Variants in AGA observed in about 807,000 individuals in gnomAD.
AGA encodes N(4)-(beta-N-acetylglucosaminyl)-L-asparaginase.
In AGA, 31 loss-of-function variants were observed where a neutral mutation model predicts 40.1. The ratio of observed to expected loss-of-function variants is 0.77; its 90% CI spans 0.58 to 1.04. The LOEUF (loss-of-function observed/expected upper bound fraction) is 1.04, where lower values mean the gene tolerates loss of function less well. Among genes scored for constraint, AGA ranks in the 50% least tolerant of loss-of-function variants. The probability of loss-of-function intolerance (pLI) is 0.00; values close to 1 mark genes in which losing one functional copy is unlikely to be tolerated. For synonymous variants in AGA, 148 were observed against 144.0 expected (o/e 1.03, Z -0.20); for missense variants, 445 against 435.4 (o/e 1.02, Z -0.20).
At chr4:177,431,882 T>A in intron 8 of AGA, 74 bp from the exon 9 acceptor site, 1 of 1,231,796 alleles carries the variant, frequency 8.1e-7, no homozygotes, top group South Asian at 1.2e-5. Context: ...AGATACTGCT[T>A]ATTTGACTAG....
At chr4:177,436,226 C>T in intron 6 of AGA, 50 bp downstream of exon 6, 1 of 1,463,558 alleles carries the variant, frequency 6.8e-7, no homozygotes, top group Non-Finnish European at 9.6e-7. Context: ...GCATATATTG[C>T]TCTGCATTCA....
At chr4:177,441,173 G>A (rs921865607) in intron 1 of AGA, among the ~76,000 whole-genome samples, 1 of 116,428 alleles carries the variant, frequency 8.6e-6, no homozygotes, top group African/African-American at 3.2e-5. Context: ...AGCACCTACA[G>A]GCTTGAAAGT....
In AGA at chr4:177,430,857, C is replaced by G. The variant is rs186184411; in HGVS notation, c.*851G>C. The G allele has an allele frequency of 1.3e-4, 60 of 454,008 alleles. No homozygotes were observed. The highest frequency in any genetic ancestry group is 1.1e-3 in the African/African-American group (53 of 50,106). The allele number at this position is 454,008 out of a possible 1,614,324, so 28.1% of individuals were successfully genotyped here. On this transcript the variant is annotated 3_prime_UTR_variant, in exon 9 of 9. Transcript: ENST00000264595. Reference sequence around the variant, plus strand: ...GGAAAAATGCTGCTGAGAAAGCACGCGCACAACTTCTGTAGAGTTGTCATA... The same window carrying G: ...GGAAAAATGCTGCTGAGAAAGCACGGGCACAACTTCTGTAGAGTTGTCATA...
intron 4 of AGA, 107 bp from the exon 5 acceptor site, chr4:177,437,626 T>C: frequency 2.7e-6 from 2 of 738,456 alleles, no homozygotes; most frequent in Non-Finnish European, 4.8e-6. Context: ...AAAAGACATC[T>C]GGTAACTTAA....
intron 1 of AGA, among the ~76,000 whole-genome samples, chr4:177,441,857 T>C (rs17741109): frequency 0.097 from 14,720 of 152,024 alleles, 796 homozygotes; most frequent in Non-Finnish European, 0.12. Flanking sequence ...GTCTACAAAA[T>C]TGCAAAGAAG....
At position 177,442,273 on chromosome 4, in the gene AGA, GC is replaced by G; in HGVS notation, c.102del (p.Trp34CysfsTer14). On this transcript the variant is annotated frameshift_variant, in exon 1 of 9. Transcript: ENST00000264595. LOFTEE classifies it high-confidence loss of function. ...CCTGCTTCGGTTGCATTCTTAAAGG[GC>G]CAAGTGTTGACGACCAGGGGCAGAG... ...SSPLPLVVNTWPFKNATEAAW... is the reference protein window; with the variant it reads ...SSPLPLVVNTXPFKNATEAAW... 6.2e-7 allele frequency: 1 copy of G among 1,613,956 alleles called. No homozygotes were observed. The highest frequency in any genetic ancestry group is 1.1e-5 in the South Asian group (1 of 91,084).
Position 177,431,107 on chromosome 4 carries a change from G to GA in AGA, c.*600dup. ...TCACACACTGAGAGCTCCATAAGAG[G>GA]AAAAAAGCAAAGAAAATCAACACAA... On this transcript the variant is annotated 3_prime_UTR_variant, in exon 9 of 9. Coordinates refer to ENST00000264595, the MANE Select transcript of AGA (RefSeq NM_000027.4). 2.2e-6 allele frequency: 1 copy of GA among 446,118 alleles called. No homozygotes were observed. The highest frequency in any genetic ancestry group is 4.5e-6 in the Non-Finnish European group (1 of 223,800). The allele number at this position is 446,118 out of a possible 1,614,324, so 27.6% of individuals were successfully genotyped here.
chr4:177,436,241 A>T (rs768012132), intron 6 of AGA, 35 bp downstream of exon 6: 6 of 1,527,512 alleles, frequency 3.9e-6, no homozygotes, highest in Non-Finnish European at 5.4e-6. Flanking sequence ...CATTCAGTGT[A>T]TATTTGAGAG....
intron 1 of AGA, 81 bp downstream of exon 1, chr4:177,442,168 G>C (rs1305398004): frequency 6.3e-7 from 1 of 1,585,204 alleles, no homozygotes. Context: ...GCCCTGCCGG[G>C]TGACTGCAGC....
chr4:177,431,436 C>T lies in AGA; in HGVS notation c.*272G>A. On this transcript the variant is annotated 3_prime_UTR_variant, in exon 9 of 9. Coordinates refer to ENST00000264595, the MANE Select transcript of AGA (RefSeq NM_000027.4). ...CTCAAAGTAGCAATTTTTTGCAACA[C>T]TGATCAGAAATCCAAGTGTCACTTA... 2.1e-6 allele frequency: 1 copy of T among 474,602 alleles called. No homozygotes were observed. Among genetic ancestry groups the T allele is most frequent in the South Asian group, 1.9e-5 (1 of 53,592 alleles). 29.4% of individuals were successfully genotyped at this position (474,602 alleles called of 1,614,324 possible). A position where few individuals can be genotyped will look rare whatever the true frequency, so the allele number is the denominator to read the frequency against.
chr4:177,434,351 T>G, intron 7 of AGA, 31 bp downstream of exon 7: 1 of 1,578,054 alleles, frequency 6.3e-7, no homozygotes, highest in Non-Finnish European at 8.7e-7. Flanking sequence ...TCTCCAAAGG[T>G]CTCTAAAATT....
chr4:177,442,171 A>G, intron 1 of AGA, 78 bp downstream of exon 1: 1 of 1,589,300 alleles, frequency 6.3e-7, no homozygotes, highest in Non-Finnish European at 8.6e-7. Context: ...CTGCCGGGTG[A>G]CTGCAGCGGG....
chr4:177,434,930 T>G (rs1016940459), intron 6 of AGA, among the ~76,000 whole-genome samples: 1 of 152,006 alleles, frequency 6.6e-6, no homozygotes, highest in African/African-American at 2.4e-5. Flanking sequence ...ACAGGAGTCT[T>G]GCTCTGTCAC....
intron 1 of AGA, among the ~76,000 whole-genome samples, chr4:177,440,651 GTT>G (rs746624930): frequency 1.0e-3 from 146 of 142,174 alleles, no homozygotes; most frequent in African/African-American, 3.4e-3. Flanking sequence ...CAAGCTGAAG[GTT>G]TTTTTTTTTT....
rs748346003 is a variant in AGA, at chr4:177,431,815, C to T, written c.941-7G>A. 6.2e-7 allele frequency: 1 copy of T among 1,610,480 alleles called. No individual in the cohort carries two copies. The highest frequency in any genetic ancestry group is 2.2e-5 in the East Asian group (1 of 44,794). ...AGTTTATTGCAAGCAGCACCTGGGG[C>T]CAAAAATGAGAAAGAAGTTTGGTGA... On this transcript the variant is annotated splice_region_variant and splice_polypyrimidine_tract_variant and intron_variant, in intron 8 of 8. Transcript: ENST00000264595.
At position 177,431,807 on chromosome 4, in the gene AGA, A is replaced by T; in HGVS notation, c.942T>A (p.Gly314=). The T allele has an allele frequency of 1.2e-6, 2 of 1,612,906 alleles. No homozygotes were observed. Among genetic ancestry groups the T allele is most frequent in the Non-Finnish European group, 1.7e-6 (2 of 1,178,966 alleles). The change falls in exon 9 of 9, where the codon GGT becomes GGA. Residue 314 remains glycine, a splice_region_variant and synonymous_variant. Coordinates refer to ENST00000264595, the MANE Select transcript of AGA (RefSeq NM_000027.4). ...VICANVTGSY[G]AACNKLSTFT... is the part of the protein sequence containing the mutation. Reference sequence around the variant, plus strand: ...ATGTTGAAAGTTTATTGCAAGCAGCACCTGGGGCCAAAAATGAGAAAGAAG... The same window carrying T: ...ATGTTGAAAGTTTATTGCAAGCAGCTCCTGGGGCCAAAAATGAGAAAGAAG...
rs6829436 is a variant in AGA, at chr4:177,438,991, C to T, written c.395-134G>A. ...AAAGACTTTCAAAGGAATATTCACA[C>T]ATGAACAGTTTTAAGAGACTCAATT... On this transcript the variant is annotated intron_variant, in intron 3 of 8. Transcript: ENST00000264595. The T allele has an allele frequency of 0.11, 76,506 of 716,252 alleles. 4,509 individuals carry two copies. Among genetic ancestry groups the T allele is most frequent in the Non-Finnish European group, 0.12 (48,173 of 388,390 alleles). The allele number at this position is 716,252 out of a possible 1,614,324, so 44.4% of individuals were successfully genotyped here.
intron 6 of AGA, among the ~76,000 whole-genome samples, chr4:177,434,993 G>A (rs936254241): frequency 6.6e-6 from 1 of 151,882 alleles, no homozygotes; most frequent in African/African-American, 2.4e-5. Flanking sequence ...TCCGCCTCCT[G>A]GGTTCAAGCG....
chr4:177,442,238 C>T lies in AGA; in HGVS notation c.127+11G>A, dbSNP rs976811435. ...GCGGCGCAGCCGCCCGCCCAGGCCG[C>T]CAACCCGCACCTGCTTCGGTTGCAT... is the stretch of plus-strand genomic sequence containing the variant. On this transcript the variant is annotated intron_variant, in intron 1 of 8. Transcript: ENST00000264595. The T allele has an allele frequency of 4.3e-6, 7 of 1,613,296 alleles. No homozygotes were observed. The South Asian group carries it at 7.7e-5, about 18-fold the overall frequency.
Sources: gnomAD v4.1 joint callset for allele counts (sites outside exome capture counted in the v4.1 genomes callset) on GRCh38, gnomAD v4.1.1 for gene constraint, MANE v1.5 for transcripts, NCBI Gene and HGNC (gene_info 2026-07-23, HGNC 2026-07-21) for gene names.